HDAC11: variants seen among roughly 807,000 people sequenced by gnomAD.
HDAC11 encodes histone deacetylase 11.
Under a neutral mutation model 41.1 loss-of-function variants are expected in HDAC11, and 23 were observed. The observed-to-expected ratio is 0.56, with a 90% CI of 0.40 to 0.79. The LOEUF is 0.79. Ranked by LOEUF, HDAC11 falls within the 30% of genes least tolerant of loss-of-function variation. The pLI, the probability that HDAC11 is intolerant of heterozygous loss-of-function variation, is 0.00. For synonymous variants in HDAC11, 187 were observed against 186.6 expected, an observed-to-expected ratio of 1.00 and a Z score of -0.02; for missense variants, 402 against 477.3, an observed-to-expected ratio of 0.84 and a Z score of 1.47.
chr3:13,490,757 T>TC (rs1701821196), intron 3 of HDAC11, among the ~76,000 whole-genome samples: 1 of 136,914 alleles, frequency 7.3e-6, no homozygotes, highest in Non-Finnish European at 1.6e-5. Flanking sequence ...TTTTTTTTTT[T>TC]TTTTTTTTTT....
At chr3:13,494,738 C>A (rs2125006876) in intron 3 of HDAC11, among the ~76,000 whole-genome samples, 1 of 152,330 alleles carries the variant, frequency 6.6e-6, no homozygotes, top group East Asian at 1.9e-4. Context: ...GCCGCCCTTG[C>A]CGGCCTGGGC....
chr3:13,483,071 G>T (rs1037469218), intron 2 of HDAC11, among the ~76,000 whole-genome samples: 13 of 120,332 alleles, frequency 1.1e-4, no homozygotes, highest in Admixed American at 9.9e-4. Flanking sequence ...CTCTTTAAAT[G>T]AATTAAAAAA....
intron 3 of HDAC11, among the ~76,000 whole-genome samples, chr3:13,493,852 C>A (rs933295458): frequency 6.6e-6 from 1 of 152,204 alleles, no homozygotes; most frequent in African/African-American, 2.4e-5. Flanking sequence ...CAGGTCAGGT[C>A]CAATCTGTGG....
intron 3 of HDAC11, among the ~76,000 whole-genome samples, chr3:13,485,507 G>T (rs980538923): frequency 4.6e-5 from 7 of 152,210 alleles, no homozygotes; most frequent in African/African-American, 1.4e-4. Flanking sequence ...GGCTGGGGGT[G>T]GGGGGCCTAG....
chr3:13,496,909 C>A, intron 4 of HDAC11, 57 bp downstream of exon 4: 1 of 913,412 alleles, frequency 1.1e-6, no homozygotes, highest in South Asian at 1.7e-5. Flanking sequence ...CAGGGTCCTT[C>A]TCACCTCCTT....
chr3:13,482,535 C>T (rs1267779206), intron 2 of HDAC11, among the ~76,000 whole-genome samples: 1 of 152,230 alleles, frequency 6.6e-6, no homozygotes, highest in African/African-American at 2.4e-5. Context: ...GTAATCCCAG[C>T]ACTCTGGGAG....
intron 2 of HDAC11, 108 bp downstream of exon 2, chr3:13,481,502 C>A: frequency 7.5e-7 from 1 of 1,326,014 alleles, no homozygotes; most frequent in Non-Finnish European, 1.1e-6. Context: ...TCAGTTTCAG[C>A]CCTCGGATGG....
At chr3:13,485,590 C>T (rs1701521263) in intron 3 of HDAC11, among the ~76,000 whole-genome samples, 1 of 152,146 alleles carries the variant, frequency 6.6e-6, no homozygotes, top group Non-Finnish European at 1.5e-5. Flanking sequence ...TGGCCTTGGT[C>T]CCCCAAAAGC....
In HDAC11 at chr3:13,504,168, A is replaced by T; in HGVS notation, c.724A>T (p.Ile242Phe). ...GTACCTGGATAAGGTGGAGAGGAAC[A>T]TCAAGAAATCCCTCCAGGAGCACCT... ...DEYLDKVERN[I>F]KKSLQEHLPD... Residue 242 changes from isoleucine (I) to phenylalanine (F), a missense_variant, in exon 9 of 10, where the codon ATC becomes TTC. Ile to Phe is a conservative substitution (Grantham distance 21). Coordinates refer to ENST00000295757, the MANE Select transcript of HDAC11 (RefSeq NM_024827.4). 3.7e-6 allele frequency: 6 copies of T among 1,614,060 alleles called. No homozygotes were observed. The highest frequency in any genetic ancestry group is 5.1e-6 in the Non-Finnish European group (6 of 1,180,028).
intron 3 of HDAC11, among the ~76,000 whole-genome samples, chr3:13,484,284 A>C (rs1051742240): frequency 6.6e-6 from 1 of 152,180 alleles, no homozygotes; most frequent in Non-Finnish European, 1.5e-5. Flanking sequence ...ATTGGGCTGA[A>C]GTTTAAGACT....
chr3:13,483,075 TAA>T (rs746190208), intron 2 of HDAC11, among the ~76,000 whole-genome samples: 9 of 109,832 alleles, frequency 8.2e-5, no homozygotes, highest in Non-Finnish European at 5.8e-5. Context: ...TTAAATGAAT[TAA>T]AAAAAAAAAA....
Position 13,500,794 on chromosome 3 carries a change from GTC to G in HDAC11, c.489+7_489+8del, listed in dbSNP as rs1178060195. The G allele has an allele frequency of 2.6e-6, 4 of 1,540,852 alleles. No individual in the cohort carries two copies. Among genetic ancestry groups the G allele is most frequent in the South Asian group, 1.2e-5 (1 of 81,992 alleles). ...GACATCACGCTCGCCATCAAGGTGT[GTC>G]TATGAGCAAGTGGGGTCTCGCCTCC... On this transcript the variant is annotated splice_donor_region_variant and intron_variant, in intron 6 of 9. Coordinates refer to ENST00000295757, the MANE Select transcript of HDAC11 (RefSeq NM_024827.4).
intron 3 of HDAC11, among the ~76,000 whole-genome samples, chr3:13,486,267 C>CAAAAAAAAAAAA (rs76727800): frequency 9.2e-5 from 6 of 65,208 alleles, no homozygotes; most frequent in Admixed American, 1.9e-4. Context: ...AACTCCATCT[C>CAAAAAAAAAAAA]AAAAAAAAAA....
Position 13,481,268 on chromosome 3 carries a change from C to T in HDAC11, c.25C>T (p.Gln9Ter). Residue 9 changes from glutamine to a stop codon, truncating the protein, a stop_gained, in exon 2 of 10, where the codon CAG (glutamine) becomes TAG (stop). Transcript: ENST00000295757. LOFTEE classifies it high-confidence loss of function. The stretch of plus-strand genomic sequence containing the variant: ...TAGGCTACACACAACCCAGCTGTAC[C>T]AGCATGTGCCAGAGACACGCTGGCC... Reference protein sequence around the residue: MLHTTQLYQHVPETRWPIV... With the variant: MLHTTQLY The T allele has an allele frequency of 6.2e-7, 1 of 1,612,434 alleles. No individual in the cohort carries two copies. The highest frequency in any genetic ancestry group is 8.5e-7 in the Non-Finnish European group (1 of 1,179,976).
At chr3:13,490,666 G>A (rs1701809424) in intron 3 of HDAC11, among the ~76,000 whole-genome samples, 1 of 144,904 alleles carries the variant, frequency 6.9e-6, no homozygotes, top group Non-Finnish European at 1.5e-5. Context: ...ATAATCAGTT[G>A]TATAGAAATA....
rs375855657 is a variant in HDAC11, at chr3:13,501,778, C to G, written c.490-93C>G. On this transcript the variant is annotated intron_variant, in intron 6 of 9. Transcript: ENST00000295757. ...GATTACCCACAAGCATTAGGCCCCC[C>G]TCCCCGCCCCTCGCCAGCCAGCTGG... 8.6e-6 allele frequency: 10 copies of G among 1,164,802 alleles called. No homozygotes were observed. The East Asian group carries it at 9.4e-5, about 11-fold the overall frequency. The allele number at this position is 1,164,802 out of a possible 1,614,324, so 72.2% of individuals were successfully genotyped here.
intron 3 of HDAC11, among the ~76,000 whole-genome samples, chr3:13,495,985 A>G (rs1168922496): frequency 1.3e-5 from 2 of 152,218 alleles, no homozygotes; most frequent in African/African-American, 4.8e-5. Flanking sequence ...CACTTAGTAA[A>G]TATTTACAAA....
At chr3:13,494,019 T>C (rs1367854958) in intron 3 of HDAC11, among the ~76,000 whole-genome samples, 1 of 152,242 alleles carries the variant, frequency 6.6e-6, no homozygotes, top group East Asian at 1.9e-4. Context: ...GCTGCAGAAC[T>C]TCTCAGAGCC....
chr3:13,483,359 G>A, intron 2 of HDAC11, 105 bp from the exon 3 acceptor site: 2 of 901,784 alleles, frequency 2.2e-6, no homozygotes, highest in Non-Finnish European at 3.6e-6. Flanking sequence ...CCTACCCCTG[G>A]GGCAGGGGCT....
Sources: gnomAD v4.1 joint callset for allele counts (sites outside exome capture counted in the v4.1 genomes callset) on GRCh38, gnomAD v4.1.1 for gene constraint, MANE v1.5 for transcripts, NCBI Gene and HGNC (gene_info 2026-07-23, HGNC 2026-07-21) for gene names.